PLD2: variants seen among roughly 807,000 people sequenced by gnomAD.
The protein encoded by PLD2 is phospholipase D2.
Under a neutral mutation model 119.8 loss-of-function variants are expected in PLD2, and 101 were observed. The ratio of observed to expected loss-of-function variants is 0.84; its 90% CI spans 0.72 to 0.99. The LOEUF is 0.99. PLD2 is among the 50% of genes least tolerant of loss of function. PLD2 has a pLI of 0.00. For synonymous variants in PLD2, 494 were observed against 482.8 expected (o/e 1.02, Z -0.30); for missense variants, 1,164 against 1,226.8 (o/e 0.95, Z 0.76).
intron 12 of PLD2, 44 bp downstream of exon 12, chr17:4,814,755 G>A (rs1326471330): frequency 5.8e-6 from 9 of 1,557,104 alleles, no homozygotes; most frequent in Non-Finnish European, 8.0e-6. Context: ...GTTGCCTGTG[G>A]GTGGAGGTTG....
chr17:4,808,282 C>T lies in PLD2; in HGVS notation c.249C>T (p.Thr83=). Residue 83 remains threonine (T), a synonymous_variant, in exon 4 of 25, where the codon ACC becomes ACT. Coordinates refer to ENST00000263088, the MANE Select transcript of PLD2 (RefSeq NM_002663.5). The surrounding 1 kb of genome is among the most constrained non-coding windows in gnomAD (Gnocchi z 4.1). ...GTTCCTCATACCCCTAGGTGGGAAC[C>T]TGCACTCTGTATTCTGTCCGCTTGA... is the stretch of plus-strand genomic sequence containing the variant. The part of the protein sequence containing the change: ...ERYTSGSKVG[T]CTLYSVRLTH... 1 of 1,613,998 alleles carries T rather than the reference C, an allele frequency of 6.2e-7. No individual in the cohort carries two copies. The highest frequency in any genetic ancestry group is 2.2e-5 in the East Asian group (1 of 44,876).
chr17:4,810,333 C>T (rs57203689), intron 9 of PLD2, among the ~76,000 whole-genome samples: 1 of 152,150 alleles, frequency 6.6e-6, no homozygotes, highest in African/African-American at 2.4e-5. Context: ...TGATGCAATA[C>T]TAGGATCCAA....
At position 4,818,115 on chromosome 17, in the gene PLD2, G is replaced by C; in HGVS notation, c.1920+9G>C. 6.3e-7 allele frequency: 1 copy of C among 1,592,592 alleles called. No individual in the cohort carries two copies. The highest frequency in any genetic ancestry group is 8.6e-7 in the Non-Finnish European group (1 of 1,160,422). On this transcript the variant is annotated intron_variant, in intron 18 of 24. Coordinates refer to ENST00000263088, the MANE Select transcript of PLD2 (RefSeq NM_002663.5). Reference sequence around the variant, plus strand: ...ACTTCCTCTACATTGAGGTCTGACTGGGAGGAGGTGGGGGAGAGCATGGAA... The same window carrying C: ...ACTTCCTCTACATTGAGGTCTGACTCGGAGGAGGTGGGGGAGAGCATGGAA...
chr17:4,818,631 C>T (rs1907294626), intron 20 of PLD2, 24 bp downstream of exon 20: 1 of 1,574,382 alleles, frequency 6.4e-7, no homozygotes, highest in Admixed American at 1.7e-5. Flanking sequence ...CGGACTCCAG[C>T]TCTCAGTGGC....
Position 4,822,900 on chromosome 17 carries a change from G to C in PLD2, c.*36G>C, listed in dbSNP as rs1172268402. ...CGTCAGGGAGAGGTCACCAGCTGCT[G>C]TGCCCCACCACGTCTGGCTCCCTGC... is the stretch of plus-strand genomic sequence containing the variant. On this transcript the variant is annotated 3_prime_UTR_variant, in exon 25 of 25. Transcript: ENST00000263088. 2.5e-6 allele frequency: 3 copies of C among 1,211,296 alleles called. No individual in the cohort carries two copies. The South Asian group carries it at 3.8e-5, about 15-fold the overall frequency. The allele number at this position is 1,211,296 out of a possible 1,614,324, so 75.0% of individuals were successfully genotyped here.
rs1567524906 is a variant in PLD2, at chr17:4,809,697, G to A, written c.621G>A (p.Gly207=). The change falls in exon 8 of 25, where the codon GGG becomes GGA. Residue 207 remains glycine (G), a synonymous_variant. Transcript: ENST00000263088. ...CTTCCTGATTGTCCCACAGGGAGGG[G>A]ATGATCCGGAAGCGCTCAGGTGGCC... ...IPDLGRKGLE[G]MIRKRSGGHR... is the part of the protein sequence containing the mutation. 2 of 1,614,152 alleles carry A rather than the reference G, an allele frequency of 1.2e-6. No homozygotes were observed. Among genetic ancestry groups the A allele is most frequent in the Non-Finnish European group, 1.7e-6 (2 of 1,180,028 alleles).
chr17:4,808,484 C>G lies in PLD2; in HGVS notation c.383+68C>G, dbSNP rs529125765. 257 of 1,504,832 alleles carry G rather than the reference C, an allele frequency of 1.7e-4. No individual in the cohort carries two copies. Among genetic ancestry groups the G allele is most frequent in the Non-Finnish European group, 2.3e-4 (249 of 1,096,086 alleles). The allele number at this position is 1,504,832 out of a possible 1,614,324, so 93.2% of individuals were successfully genotyped here. A position where few individuals can be genotyped will look rare whatever the true frequency, so the allele number is the denominator to read the frequency against. Reference sequence around the variant, plus strand: ...CCACCCTCCTTTCTGTCTGTCTCACCCCGGGGCCACAACCTTTCCTCCCTG... The same window carrying G: ...CCACCCTCCTTTCTGTCTGTCTCACGCCGGGGCCACAACCTTTCCTCCCTG... On this transcript the variant is annotated intron_variant, in intron 4 of 24. Transcript: ENST00000263088. This position sits in a 1 kb window ranked among gnomAD's most constrained non-coding sequence, Gnocchi z 4.1.
At position 4,819,362 on chromosome 17, in the gene PLD2, G is replaced by A. The variant is rs1907400417; in HGVS notation, c.2309-67G>A. On this transcript the variant is annotated intron_variant, in intron 22 of 24. Transcript: ENST00000263088. This position sits in a 1 kb window ranked among gnomAD's most constrained non-coding sequence, Gnocchi z 4.2. ...AATGTTGCAGGCCAGTGCTTTGGTA[G>A]AGGGGATGGGGTACTGGGGAGAGTG... is the stretch of plus-strand genomic sequence containing the variant. 3 of 1,605,934 alleles carry A rather than the reference G, an allele frequency of 1.9e-6. No individual in the cohort carries two copies. The East Asian group carries it at 6.7e-5, about 36-fold the overall frequency.
At chr17:4,810,771 G>A (rs769294056) in intron 9 of PLD2, 31 bp from the exon 10 acceptor site, 1 of 1,592,982 alleles carries the variant, frequency 6.3e-7, no homozygotes, top group South Asian at 1.1e-5. Context: ...GGAGGGCGAG[G>A]ATTTATGGAC....
rs1567533724 is a variant in PLD2 at position 4,818,495 on chromosome 17, CA to C, written c.2012del (p.Gln671ArgfsTer120). 1 of 1,611,202 alleles carries C rather than the reference CA, an allele frequency of 6.2e-7. No individual in the cohort carries two copies. The highest frequency in any genetic ancestry group is 8.5e-7 in the Non-Finnish European group (1 of 1,177,354). On this transcript the variant is annotated frameshift_variant and splice_region_variant, in exon 20 of 25. Coordinates refer to ENST00000263088, the MANE Select transcript of PLD2 (RefSeq NM_002663.5). LOFTEE classifies it high-confidence loss of function. ...CCTCTGACTCCACCCCCTCCCCAGA[CA>C]GGGGTGGTGTTACCGAGTCTACGTG... is the stretch of plus-strand genomic sequence containing the variant. ...IVDRILKAHK[Q>X]GWCYRVYVLL...
chr17:4,822,492 CA>C (rs112032023), intron 24 of PLD2, 147 bp from the exon 25 acceptor site: 5,570 of 480,652 alleles, frequency 0.012, no homozygotes, highest in Middle Eastern at 0.021. Context: ...AACTCCGTCT[CA>C]AAAAAAAAAA....
At position 4,807,990 on chromosome 17, in the gene PLD2, G is replaced by A; in HGVS notation, c.116G>A (p.Arg39Gln). Residue 39 changes from arginine (R) to glutamine (Q), a missense_variant, in exon 3 of 25, where the codon CGG (arginine) becomes CAG (glutamine). Physicochemically the swap from Arg to Gln is conservative, Grantham distance 43 (BLOSUM62 1). Transcript: ENST00000263088. The surrounding 1 kb of genome is among the most constrained non-coding windows in gnomAD (Gnocchi z 5.4). ...CGACTTTCTTTCCTCCCAGCCGACC[G>A]GATGCACCCGTTTCTGGCCATCTAT... ...TLKEGEDPAD[R>Q]MHPFLAIYEL... is the part of the protein sequence containing the mutation. 1 of 1,608,206 alleles carries A rather than the reference G, an allele frequency of 6.2e-7. No individual in the cohort carries two copies. The highest frequency in any genetic ancestry group is 8.5e-7 in the Non-Finnish European group (1 of 1,175,158).
Position 4,818,123 on chromosome 17 carries a change from G to A in PLD2, c.1920+17G>A, listed in dbSNP as rs369087576. Reference sequence around the variant, plus strand: ...TACATTGAGGTCTGACTGGGAGGAGGTGGGGGAGAGCATGGAAGGGGTGTC... The same window carrying A: ...TACATTGAGGTCTGACTGGGAGGAGATGGGGGAGAGCATGGAAGGGGTGTC... On this transcript the variant is annotated intron_variant, in intron 18 of 24. Coordinates refer to ENST00000263088, the MANE Select transcript of PLD2 (RefSeq NM_002663.5). 38 of 1,580,158 alleles carry A rather than the reference G, an allele frequency of 2.4e-5. No homozygotes were observed. The Middle Eastern group carries it at 6.7e-4, about 28-fold the overall frequency.
chr17:4,809,117 C>T lies in PLD2; in HGVS notation c.401C>T (p.Ser134Phe). 1 of 1,614,050 alleles carries T rather than the reference C, an allele frequency of 6.2e-7. No homozygotes were observed. The highest frequency in any genetic ancestry group is 8.5e-7 in the Non-Finnish European group (1 of 1,179,900). The change falls in exon 5 of 25, where the codon TCT becomes TTT. Residue 134 changes from serine to phenylalanine, a missense_variant. Transcript: ENST00000263088. ...TTCCACAGATTTGCCGTTGCCTATT[C>T]TCCAGCCCGAGATGCAGGCAACAGA... ...LPLARFAVAY[S>F]PARDAGNREM...
At chr17:4,817,522 C>T (rs1466870845) in intron 17 of PLD2, 5 of 467,570 alleles carry the variant, frequency 1.1e-5, no homozygotes, top group Non-Finnish European at 2.0e-5. Context: ...ATTAGCCGGG[C>T]GTGGTGGTGC....
rs3178169 is a variant in PLD2, at chr17:4,808,417, G to C, written c.383+1G>C. The C allele has an allele frequency of 6.2e-7, 1 of 1,613,564 alleles. No homozygotes were observed. Among genetic ancestry groups the C allele is most frequent in the East Asian group, 2.2e-5 (1 of 44,872 alleles). On this transcript the variant is annotated splice_donor_variant, in intron 4 of 24. Transcript: ENST00000263088. LOFTEE classifies it high-confidence loss of function. The surrounding 1 kb of genome is among the most constrained non-coding windows in gnomAD (Gnocchi z 4.1). ...TGATGAGTCTGCTCCCTCTGGCTCG[G>C]TGAGGGCGACCGGACTGCTTCCTGT...
chr17:4,817,184 C>T lies in PLD2; in HGVS notation c.1740C>T (p.Tyr580=). ...KAKYKTPTYP[Y]LLPKSTSTAN... Reference sequence around the variant, plus strand: ...AGTACAAGACTCCCACATACCCCTACCTGCTTCCCAAGTCTACCAGCACGG... The same window carrying T: ...AGTACAAGACTCCCACATACCCCTATCTGCTTCCCAAGTCTACCAGCACGG... Residue 580 remains tyrosine, a synonymous_variant, in exon 17 of 25, where the codon TAC becomes TAT. Transcript: ENST00000263088. 2 of 1,614,052 alleles carry T rather than the reference C, an allele frequency of 1.2e-6. No individual in the cohort carries two copies. The highest frequency in any genetic ancestry group is 1.7e-6 in the Non-Finnish European group (2 of 1,179,904).
intron 10 of PLD2, among the ~76,000 whole-genome samples, chr17:4,811,636 G>C (rs1431749178): frequency 1.3e-5 from 2 of 152,092 alleles, no homozygotes; most frequent in Non-Finnish European, 2.9e-5. Flanking sequence ...GTCCTCTCTG[G>C]GTTAGGGAAG....
chr17:4,812,868 T>C (rs1259152840), intron 10 of PLD2, among the ~76,000 whole-genome samples: 3 of 152,040 alleles, frequency 2.0e-5, no homozygotes, highest in Non-Finnish European at 4.4e-5. Context: ...CCAGGACATA[T>C]TGTTGTTACT....
Sources: gnomAD v4.1 joint callset for allele counts (sites outside exome capture counted in the v4.1 genomes callset) on GRCh38, gnomAD v4.1.1 for gene constraint, Gnocchi (gnomAD v3.1) non-coding constraint, MANE v1.5 for transcripts, NCBI Gene and HGNC (gene_info 2026-07-23, HGNC 2026-07-21) for gene names.